NUB1: variants seen among roughly 807,000 people sequenced by gnomAD.
NUB1 encodes the protein negative regulator of ubiquitin like proteins 1, also known as NEDD8 ultimate buster 1.
Under a neutral mutation model 77.1 loss-of-function variants are expected in NUB1, and 41 were observed. The observed-to-expected ratio is 0.53, with a 90% CI of 0.41 to 0.69. The LOEUF (loss-of-function observed/expected upper bound fraction) is 0.69. NUB1 is among the 30% of genes least tolerant of loss of function. NUB1 has a pLI of 0.00. For synonymous variants in NUB1, 257 were observed against 281.0 expected (o/e 0.91, Z 0.85); for missense variants, 643 against 743.8 (o/e 0.86, Z 1.58).
intron 4 of NUB1, chr7:151,352,172 T>A (rs1489829353): frequency 8.8e-6 from 4 of 456,556 alleles, no homozygotes; most frequent in Non-Finnish European, 1.8e-5. Context: ...CGCTATGGGC[T>A]TCTCCAGGGA....
intron 11 of NUB1, 147 bp downstream of exon 11, chr7:151,369,034 G>A (rs1797839179): frequency 2.2e-6 from 2 of 907,430 alleles, no homozygotes; most frequent in South Asian, 2.1e-5. Flanking sequence ...TTGAGACAGA[G>A]TCTCACTTTG....
intron 11 of NUB1, among the ~76,000 whole-genome samples, chr7:151,372,770 C>G (rs541462596): frequency 6.6e-6 from 1 of 152,042 alleles, no homozygotes; most frequent in African/African-American, 2.4e-5. Flanking sequence ...AATGACGGAG[C>G]CTGCTGCCCT....
chr7:151,345,154 A>C (rs1796443463), intron 1 of NUB1, among the ~76,000 whole-genome samples, 194 bp from the exon 2 acceptor site: 1 of 151,864 alleles, frequency 6.6e-6, no homozygotes, highest in East Asian at 1.9e-4. Context: ...TATATATGTA[A>C]TATATATAAT....
chr7:151,368,688 T>G lies in NUB1; in HGVS notation c.1096-47T>G, dbSNP rs540807053. 2.6e-6 allele frequency: 4 copies of G among 1,547,998 alleles called. No homozygotes were observed. In the South Asian group the frequency reaches 4.9e-5, roughly 19 times the overall value. ...TTAGGCTTTCACTTTGTATTAAGCT[T>G]TAAGTATTGCCGTGGTTACATGATT... On this transcript the variant is annotated intron_variant, in intron 10 of 14. Transcript: ENST00000568733.
At chr7:151,376,482 C>T in intron 13 of NUB1, 152 bp from the exon 14 acceptor site, 1 of 744,506 alleles carries the variant, frequency 1.3e-6, no homozygotes. Context: ...TCTACGCTCA[C>T]ATTGCACAGA....
chr7:151,376,427 C>T, intron 13 of NUB1: 1 of 562,946 alleles, frequency 1.8e-6, no homozygotes, highest in South Asian at 2.5e-5. Flanking sequence ...ATGGCTGCTC[C>T]CTGACGCACC....
chr7:151,341,880 A>G, intron 1 of NUB1, 34 bp downstream of exon 1: 1 of 1,483,664 alleles, frequency 6.7e-7, no homozygotes, highest in South Asian at 1.3e-5. Flanking sequence ...CCTCGACCCC[A>G]GCCTCAGCAG....
intron 12 of NUB1, among the ~76,000 whole-genome samples, chr7:151,375,096 G>A (rs1798153427): frequency 6.6e-6 from 1 of 152,076 alleles, no homozygotes; most frequent in African/African-American, 2.4e-5. Flanking sequence ...GCTGAGGCGG[G>A]TGTGGGTGCA....
At chr7:151,375,756 G>T (rs922604695) in intron 12 of NUB1, 92 bp from the exon 13 acceptor site, 1 of 825,302 alleles carries the variant, frequency 1.2e-6, no homozygotes, top group Non-Finnish European at 2.1e-6. Context: ...AGAGGACGGC[G>T]GGGTCTGCCT....
At chr7:151,354,800 G>A (rs1188726191) in intron 5 of NUB1, among the ~76,000 whole-genome samples, 10 of 152,166 alleles carry the variant, frequency 6.6e-5, no homozygotes, top group Non-Finnish European at 1.0e-4. Flanking sequence ...CTGGAGTGTG[G>A]TGTGCGATTG....
intron 13 of NUB1, chr7:151,376,206 A>C: frequency 6.2e-6 from 3 of 487,796 alleles, no homozygotes; most frequent in East Asian, 3.8e-5. Context: ...CACTGTTTGC[A>C]TCAGCCTCAT....
chr7:151,347,690 G>A (rs1452916280), intron 2 of NUB1, among the ~76,000 whole-genome samples: 1 of 152,102 alleles, frequency 6.6e-6, no homozygotes, highest in Non-Finnish European at 1.5e-5. Flanking sequence ...GAAGTCCTGG[G>A]CTTGAGCAAT....
chr7:151,348,654 C>T (rs1476901630), intron 2 of NUB1, among the ~76,000 whole-genome samples: 1 of 142,698 alleles, frequency 7.0e-6, no homozygotes, highest in Non-Finnish European at 1.5e-5. Flanking sequence ...TGGCTCACTG[C>T]AGCCTCTGCC....
chr7:151,360,306 G>T, intron 8 of NUB1, 59 bp downstream of exon 8: 1 of 871,604 alleles, frequency 1.1e-6, no homozygotes, highest in South Asian at 1.4e-5. Flanking sequence ...AGACTATACA[G>T]AACACCCTGC....
intron 1 of NUB1, among the ~76,000 whole-genome samples, chr7:151,344,962 T>A (rs955052048): frequency 3.3e-5 from 5 of 152,272 alleles, no homozygotes; most frequent in Non-Finnish European, 7.3e-5. Flanking sequence ...ATCGCACCAC[T>A]GCACTCCAGC....
In NUB1 at chr7:151,356,214, GA is replaced by G; in HGVS notation, c.688del (p.Arg230GlufsTer6). 6.2e-7 allele frequency: 1 copy of G among 1,610,314 alleles called. No homozygotes were observed. Among genetic ancestry groups the G allele is most frequent in the Non-Finnish European group, 8.5e-7 (1 of 1,176,662 alleles). On this transcript the variant is annotated frameshift_variant, in exon 7 of 15. Transcript: ENST00000568733. LOFTEE classifies it high-confidence loss of function. ...CAGATCAATCAGAATTCCCCCATCAGAAAGAAAAGTAAGTACTATGAGAAAT... is the reference window on the plus strand; with the variant it reads ...CAGATCAATCAGAATTCCCCCATCAGAAGAAAAGTAAGTACTATGAGAAAT... ...TGRSIRIPPSERKALMLAMGY... is the reference protein window; with the variant it reads ...TGRSIRIPPSXRKALMLAMGY...
chr7:151,353,410 T>A (rs1173942814), intron 5 of NUB1, among the ~76,000 whole-genome samples: 1 of 152,052 alleles, frequency 6.6e-6, no homozygotes, highest in African/African-American at 2.4e-5. Flanking sequence ...CTGGAGACAT[T>A]TGTGGTGCTT....
chr7:151,360,289 A>G (rs747921061), intron 8 of NUB1, 42 bp downstream of exon 8: 7 of 1,092,884 alleles, frequency 6.4e-6, no homozygotes, highest in South Asian at 3.8e-5. Flanking sequence ...TTTAAGGAAG[A>G]TGGCCCAGAC....
Position 151,345,422 on chromosome 7 carries a change from C to A in NUB1, c.73C>A (p.Pro25Thr). The change falls in exon 2 of 15, where the codon CCT (proline) becomes ACT (threonine). Residue 25 changes from proline (P) to threonine (T), a missense_variant. Physicochemically the swap from Pro to Thr is conservative, Grantham distance 38 (BLOSUM62 -1). Coordinates refer to ENST00000568733, the MANE Select transcript of NUB1 (RefSeq NM_001243351.2). The stretch of plus-strand genomic sequence containing the variant: ...GGAAGACAGGATTCAACTTTGGAAA[C>A]CTCCATATACAGATGAAAATAAAAA... ...LREDRIQLWKPPYTDENKKVG... is the reference protein window; with the variant it reads ...LREDRIQLWKTPYTDENKKVG... 6.2e-7 allele frequency: 1 copy of A among 1,609,548 alleles called. No individual in the cohort carries two copies. Among genetic ancestry groups the A allele is most frequent in the South Asian group, 1.1e-5 (1 of 89,948 alleles).
Sources: allele counts gnomAD v4.1 joint callset (sites outside exome capture counted in the v4.1 genomes callset), GRCh38; gene constraint gnomAD v4.1.1; transcripts MANE v1.5; gene names NCBI Gene and HGNC (gene_info 2026-07-23, HGNC 2026-07-21).